ACYP2: variants seen among roughly 807,000 people sequenced by gnomAD.
ACYP2 encodes the protein acylphosphatase 2.
ACYP2 carries 12 observed loss-of-function variants against 11.2 expected under a neutral mutation model. The observed-to-expected ratio is 1.08, with a 90% confidence interval of 0.69 to 1.74. ACYP2 has a LOEUF of 1.74. ACYP2 is among the 40% of genes most tolerant of loss of function. The pLI, the probability that ACYP2 is intolerant of heterozygous loss-of-function variation, is 0.00. For synonymous variants in ACYP2, 43 were observed against 32.2 expected (o/e 1.33, Z -1.13); for missense variants, 134 against 101.9 (o/e 1.31, Z -1.35).
intron 4 of ACYP2, among the ~76,000 whole-genome samples, chr2:54,093,980 C>T (rs1678379114): frequency 6.6e-6 from 1 of 151,848 alleles, no homozygotes. Flanking sequence ...CAAACCCACT[C>T]AGTATCATTG....
At chr2:54,079,143 CT>C (rs1677508694) in intron 4 of ACYP2, among the ~76,000 whole-genome samples, 1 of 152,124 alleles carries the variant, frequency 6.6e-6, no homozygotes, top group Non-Finnish European at 1.5e-5. Flanking sequence ...TATTGTTTAT[CT>C]TTGTCTCCTA....
chr2:54,004,404 CTT>C (rs1168703943), intron 2 of ACYP2, among the ~76,000 whole-genome samples: 12,905 of 89,954 alleles, frequency 0.14, 185 homozygotes, highest in African/African-American at 0.23. Context: ...GTAGTTTAGC[CTT>C]TTTTTTTTTT....
At chr2:54,108,432 A>C (rs1572770055) in intron 4 of ACYP2, among the ~76,000 whole-genome samples, 2 of 152,228 alleles carry the variant, frequency 1.3e-5, no homozygotes, top group East Asian at 3.8e-4. Context: ...CCTGCGGGTA[A>C]ATCTGAGTCA....
At chr2:54,094,532 TTG>T (rs112696039) in intron 4 of ACYP2, among the ~76,000 whole-genome samples, 101 of 112,662 alleles carry the variant, frequency 9.0e-4, no homozygotes, top group Middle Eastern at 8.6e-3. Context: ...CCCGGCCCAG[TTG>T]TGTGTGTGTG....
At chr2:53,996,741 C>T (rs1672591818) in intron 2 of ACYP2, among the ~76,000 whole-genome samples, 1 of 152,198 alleles carries the variant, frequency 6.6e-6, no homozygotes. Context: ...GCCCCTTTTG[C>T]TAATATTGCT....
At chr2:53,983,277 A>G (rs977603709) in intron 2 of ACYP2, among the ~76,000 whole-genome samples, 3 of 152,118 alleles carry the variant, frequency 2.0e-5, no homozygotes, top group Non-Finnish European at 4.4e-5. Flanking sequence ...AGACCAAGGT[A>G]GGAGGATCAC....
chr2:54,297,295 A>G (rs1044665925), intron 6 of ACYP2, among the ~76,000 whole-genome samples: 4 of 148,118 alleles, frequency 2.7e-5, no homozygotes, highest in African/African-American at 1.1e-4. Flanking sequence ...GGAGTTTAAG[A>G]CCAGCCTGGG....
chr2:54,303,449 G>A (rs1689804348), intron 6 of ACYP2, among the ~76,000 whole-genome samples: 1 of 152,158 alleles, frequency 6.6e-6, no homozygotes, highest in African/African-American at 2.4e-5. Flanking sequence ...TCAAGAAGAC[G>A]TGGCTAGTAA....
chr2:54,279,935 G>A (rs980697804), intron 6 of ACYP2, among the ~76,000 whole-genome samples: 1 of 152,164 alleles, frequency 6.6e-6, no homozygotes, highest in East Asian at 1.9e-4. Flanking sequence ...TAAATGCTTT[G>A]GATTTGCTAT....
intron 4 of ACYP2, among the ~76,000 whole-genome samples, chr2:54,110,302 C>T (rs1679393118): frequency 6.6e-6 from 1 of 152,114 alleles, no homozygotes. Flanking sequence ...TCATAGTACC[C>T]TTATGTATTT....
intron 2 of ACYP2, among the ~76,000 whole-genome samples, chr2:53,982,859 TG>T (rs1671839809): frequency 6.7e-6 from 1 of 149,770 alleles, no homozygotes; most frequent in Non-Finnish European, 1.5e-5. Context: ...TGTGTGTGTG[TG>T]TGTGTGTGTG....
Position 54,071,067 on chromosome 2 carries a change from T to C in ACYP2, c.277+13707T>C, listed in dbSNP as rs141015745. 1.4e-3 allele frequency among the ~76,000 whole-genome samples: 212 copies of C among 152,280 alleles called. No individual in the cohort carries two copies. The East Asian group carries it at 0.014, about 10-fold the overall frequency. ...GCACCCGGCCTCAAAAGCTTTTCTT[T>C]ATTTGACTAATCCAAACACCCTTTC... On this transcript the variant is annotated intron_variant, in intron 4 of 6. Transcript: ENST00000607452.
At chr2:54,264,435 A>G (rs1325825997) in intron 6 of ACYP2, among the ~76,000 whole-genome samples, 1 of 152,112 alleles carries the variant, frequency 6.6e-6, no homozygotes, top group African/African-American at 2.4e-5. Context: ...AAAGTTTTCC[A>G]ACTCCCCACC....
At chr2:54,018,813 T>G (rs1041309024) in intron 2 of ACYP2, among the ~76,000 whole-genome samples, 3 of 152,136 alleles carry the variant, frequency 2.0e-5, no homozygotes, top group Non-Finnish European at 2.9e-5. Context: ...AATGGCTCCA[T>G]CTCGGCTCAC....
intron 2 of ACYP2, among the ~76,000 whole-genome samples, chr2:54,050,803 CT>C (rs1399618012): frequency 3.3e-5 from 5 of 151,974 alleles, no homozygotes; most frequent in Non-Finnish European, 7.4e-5. Flanking sequence ...GAGGCAATGT[CT>C]TTTTCTGTCA....
intron 6 of ACYP2, among the ~76,000 whole-genome samples, chr2:54,145,923 G>C (rs1194951561): frequency 2.6e-5 from 4 of 152,166 alleles, no homozygotes; most frequent in African/African-American, 9.7e-5. Context: ...CTACACAACT[G>C]TCACTCTGGT....
At chr2:54,275,805 G>A (rs571259623) in intron 6 of ACYP2, among the ~76,000 whole-genome samples, 3 of 152,142 alleles carry the variant, frequency 2.0e-5, no homozygotes, top group Admixed American at 1.3e-4. Flanking sequence ...TCCAAGCCCT[G>A]CTTGATTTGC....
At chr2:54,199,142 A>T (rs2103903469) in intron 6 of ACYP2, among the ~76,000 whole-genome samples, 1 of 152,360 alleles carries the variant, frequency 6.6e-6, no homozygotes, top group Non-Finnish European at 1.5e-5. Flanking sequence ...AAAGGCAAGC[A>T]TGGCCCATCA....
At chr2:54,153,199 G>GT (rs1371402823) in intron 6 of ACYP2, among the ~76,000 whole-genome samples, 1 of 151,836 alleles carries the variant, frequency 6.6e-6, no homozygotes, top group Non-Finnish European at 1.5e-5. Context: ...TGGATGTCCA[G>GT]TTTTCCCATT....
Sources: gnomAD v4.1 joint callset for allele counts (sites outside exome capture counted in the v4.1 genomes callset) on GRCh38, gnomAD v4.1.1 for gene constraint, MANE v1.5 for transcripts, NCBI Gene and HGNC (gene_info 2026-07-23, HGNC 2026-07-21) for gene names.